ATAD2: variants seen among roughly 807,000 people sequenced by gnomAD.
ATAD2 encodes ATPase family AAA domain containing 2, also known as ATPase family AAA domain-containing protein 2.
A neutral mutation model predicts 168.9 loss-of-function variants in ATAD2; 62 were observed. The ratio of observed to expected loss-of-function variants is 0.37; its 90% CI spans 0.30 to 0.45. The LOEUF (loss-of-function observed/expected upper bound fraction) is 0.45, where lower values mean the gene tolerates loss of function less well. Among genes scored for constraint, ATAD2 ranks in the 20% least tolerant of loss-of-function variants. The pLI is 1.00. For missense variants in ATAD2, 1,419 were observed against 1,667.8 expected, an observed-to-expected ratio of 0.85 and a Z score of 2.60; for synonymous variants, 613 against 571.6, an observed-to-expected ratio of 1.07 and a Z score of -1.03.
chr8:123,371,755 C>A lies in ATAD2; in HGVS notation c.451G>T (p.Asp151Tyr), dbSNP rs1269382274. Residue 151 changes from aspartate (D) to tyrosine (Y), a missense_variant, in exon 4 of 28, where the codon GAT becomes TAT. Transcript: ENST00000287394. ...STEHLHEDNG[D>Y]VEVRRSCRIR... is the part of the protein sequence containing the mutation. ...CTACAACTTCGACGCACTTCAACAT[C>A]ACCATTATCTTCATGTAAGTGTTCT... 6 of 1,613,540 alleles carry A rather than the reference C, an allele frequency of 3.7e-6. No homozygotes were observed. The highest frequency in any genetic ancestry group is 1.7e-5 in the Admixed American group (1 of 59,906).
intron 8 of ATAD2, among the ~76,000 whole-genome samples, chr8:123,362,244 G>A (rs1345264492): frequency 6.7e-6 from 1 of 150,100 alleles, no homozygotes; most frequent in Admixed American, 6.7e-5. Context: ...AGTGAGCCAT[G>A]ATTGCACCAC....
rs1210964309 is a variant in ATAD2, at chr8:123,320,509, A to G, written c.*625T>C. Reference sequence around the variant, plus strand: ...TACAAAAGTAAACCAAGAAATATTTAAAATCTTTATTAACCCAAATTAGAA... The same window carrying G: ...TACAAAAGTAAACCAAGAAATATTTGAAATCTTTATTAACCCAAATTAGAA... On this transcript the variant is annotated 3_prime_UTR_variant, in exon 28 of 28. Coordinates refer to ENST00000287394, the MANE Select transcript of ATAD2 (RefSeq NM_014109.4). The G allele has an allele frequency of 1.3e-5, 2 of 152,192 alleles. No homozygotes were observed. Among genetic ancestry groups the G allele is most frequent in the African/African-American group, 4.8e-5 (2 of 41,464 alleles). The allele number at this position is 152,192 out of a possible 1,614,324, so 9.4% of individuals were successfully genotyped here. A position where few individuals can be genotyped will look rare whatever the true frequency, so the allele number is the denominator to read the frequency against.
intron 19 of ATAD2, among the ~76,000 whole-genome samples, chr8:123,341,849 G>A (rs537939130): frequency 3.9e-5 from 6 of 152,298 alleles, no homozygotes; most frequent in Middle Eastern, 3.4e-3. Flanking sequence ...TAAGAAAACA[G>A]GCCGAGCACA....
intron 1 of ATAD2, among the ~76,000 whole-genome samples, chr8:123,392,757 G>A (rs1435035976): frequency 6.6e-6 from 1 of 152,150 alleles, no homozygotes; most frequent in African/African-American, 2.4e-5. Flanking sequence ...AGTGCGTTTT[G>A]TAAAGGGGTA....
chr8:123,325,390 C>T (rs1175340485), intron 26 of ATAD2, among the ~76,000 whole-genome samples: 2 of 152,042 alleles, frequency 1.3e-5, no homozygotes, highest in African/African-American at 4.8e-5. Context: ...TCACGCCATT[C>T]TCCTGTCTCA....
At position 123,380,540 on chromosome 8, in the gene ATAD2, C is replaced by T. The variant is rs765285207; in HGVS notation, c.309G>A (p.Arg103=). 7.4e-6 allele frequency: 12 copies of T among 1,613,920 alleles called. No individual in the cohort carries two copies. In the East Asian group the frequency reaches 2.5e-4, roughly 33 times the overall value. Residue 103 remains arginine (R), a synonymous_variant, in exon 2 of 28, where the codon AGG becomes AGA. Coordinates refer to ENST00000287394, the MANE Select transcript of ATAD2 (RefSeq NM_014109.4). Reference sequence around the variant, plus strand: ...CCACCTTGTATTACCTTGTAAAATGCCTGCCATTAGCAAGTTGCTCCGTTA... The same window carrying T: ...CCACCTTGTATTACCTTGTAAAATGTCTGCCATTAGCAAGTTGCTCCGTTA... ...VEITEQLANG[R]HFTRQLARQQ...
chr8:123,401,145 A>C, upstream of ATAD2: 1 of 1,157,634 alleles, frequency 8.6e-7, no homozygotes, highest in Non-Finnish European at 1.3e-6. Context: ...TGGCTCCAGC[A>C]GGAGTGATGT....
At position 123,356,442 on chromosome 8, in the gene ATAD2, G is replaced by A. The variant is rs370098386; in HGVS notation, c.1593C>T (p.Asp531=). Residue 531 remains aspartate, a synonymous_variant, in exon 13 of 28, where the codon GAC becomes GAT. Coordinates refer to ENST00000287394, the MANE Select transcript of ATAD2 (RefSeq NM_014109.4). ...GTACTGGAGCCAGACCATCAATTTC[G>A]TCAAAAAAAATAATTGATGGGCGCA... ...YQMRPSIIFF[D]EIDGLAPVRS... The A allele has an allele frequency of 2.9e-5, 47 of 1,611,202 alleles. No homozygotes were observed. Among genetic ancestry groups the A allele is most frequent in the South Asian group, 5.5e-5 (5 of 90,752 alleles).
intron 1 of ATAD2, among the ~76,000 whole-genome samples, chr8:123,416,050 AGCTACAG>A (rs1813267862): frequency 6.6e-6 from 1 of 152,012 alleles, no homozygotes. Context: ...TCGAGCCAAT[AGCTACAG>A]GCCTTCCAAT....
At chr8:123,389,985 T>TATATATATATATA (rs1554647643) in intron 1 of ATAD2, among the ~76,000 whole-genome samples, 12 of 70,792 alleles carry the variant, frequency 1.7e-4, no homozygotes, top group East Asian at 1.1e-3. Flanking sequence ...TATATATATA[T>TATATATATATATA]TTTTTTTTTT....
chr8:123,400,799 A>C, upstream of ATAD2: 1 of 930,724 alleles, frequency 1.1e-6, no homozygotes, highest in Non-Finnish European at 1.8e-6. This position sits in a 1 kb window ranked among gnomAD's most constrained non-coding sequence, Gnocchi z 4.5. Flanking sequence ...ACTGTGACAG[A>C]GGGCAACATG....
intron 4 of ATAD2, 137 bp from the exon 5 acceptor site, chr8:123,371,475 T>C (rs1829146046): frequency 1.2e-6 from 1 of 856,510 alleles, no homozygotes; most frequent in Non-Finnish European, 1.7e-6. Flanking sequence ...TTTACTTGTA[T>C]AAAAATATTT....
rs534367525 is a variant in ATAD2, at chr8:123,395,790, A to G, written c.171+397T>C. Among the ~76,000 whole-genome samples the G allele has an allele frequency of 1.9e-4, 29 of 152,106 alleles. No homozygotes were observed. The East Asian group carries it at 5.3e-3, about 28-fold the overall frequency. ...CCCCCCCAACGTTTATGGCGCAGACAGAAAGCAGTCAGGGGATGCGTGTTG... is the reference window on the plus strand; with the variant it reads ...CCCCCCCAACGTTTATGGCGCAGACGGAAAGCAGTCAGGGGATGCGTGTTG... On this transcript the variant is annotated intron_variant, in intron 1 of 27. Transcript: ENST00000287394.
Position 123,361,627 on chromosome 8 carries a change from T to G in ATAD2, c.1069A>C (p.Ser357Arg). The G allele has an allele frequency of 6.2e-7, 1 of 1,611,420 alleles. No homozygotes were observed. Among genetic ancestry groups the G allele is most frequent in the Non-Finnish European group, 8.5e-7 (1 of 1,177,934 alleles). Residue 357 changes from serine (S) to arginine (R), a missense_variant, in exon 9 of 28, where the codon AGT becomes CGT. By Grantham distance (110) the Ser-to-Arg change is moderately radical (BLOSUM62 -1). Transcript: ENST00000287394. ...GAGGAAGATGAAGTCGAGTCACTAC[T>G]GTGGATTGCATGCCTTCGCCTAAAG... ...RMNRRRHAIH[S>R]SDSTSSSSSE...
intron 25 of ATAD2, 100 bp from the exon 26 acceptor site, chr8:123,326,126 A>G (rs1344801595): frequency 3.1e-6 from 4 of 1,298,852 alleles, no homozygotes; most frequent in Non-Finnish European, 4.2e-6. Flanking sequence ...ATGTTTACTA[A>G]GGACATAAAC....
Position 123,402,087 on chromosome 8 carries a change from CTT to C in ATAD2, c.-2281-914_-2281-913del. The C allele has an allele frequency of 8.0e-7, 1 of 1,254,170 alleles. No homozygotes were observed. The highest frequency in any genetic ancestry group is 1.2e-6 in the Non-Finnish European group (1 of 861,866). The allele number at this position is 1,254,170 out of a possible 1,614,324, so 77.7% of individuals were successfully genotyped here. ...GAGGGTGGCGTCCATGGCCTGCACT[CTT>C]AGGAGAAGCGGCTGTACTGACAGCA... On this transcript the variant is annotated intron_variant, in intron 1 of 28. Transcript: ENST00000521903. The surrounding 1 kb of genome is among the most constrained non-coding windows in gnomAD (Gnocchi z 4.8).
rs369125174 is a variant in ATAD2 at position 123,337,764 on chromosome 8, G to A, written c.2912C>T (p.Thr971Ile). 1 of 1,613,392 alleles carries A rather than the reference G, an allele frequency of 6.2e-7. No homozygotes were observed. Among genetic ancestry groups the A allele is most frequent in the Non-Finnish European group, 8.5e-7 (1 of 1,179,696 alleles). ...TTCTAGTCGTTTCACTTCTTCTGCT[G>A]TCAGTGATCTTGGCTCAGGTGGTGG... ...VAPPPEPRSL[T>I]AEEVKRLEEQ... Residue 971 changes from threonine (T) to isoleucine (I), a missense_variant, in exon 21 of 28, where the codon ACA (threonine) becomes ATA (isoleucine). Thr to Ile is a moderately conservative substitution (Grantham distance 89). Transcript: ENST00000287394.
chr8:123,358,713 T>C (rs10103175), intron 11 of ATAD2, among the ~76,000 whole-genome samples: 3,423 of 147,518 alleles, frequency 0.023, 153 homozygotes, highest in African/African-American at 0.082. Context: ...GATTGATATA[T>C]GGTACATTAC....
intron 9 of ATAD2, among the ~76,000 whole-genome samples, chr8:123,360,853 T>C (rs1828793248): frequency 6.6e-6 from 1 of 151,624 alleles, no homozygotes; most frequent in Non-Finnish European, 1.5e-5. Flanking sequence ...TTAGTATACA[T>C]GGACTTACAC....
Sources: allele counts gnomAD v4.1 joint callset (sites outside exome capture counted in the v4.1 genomes callset), GRCh38; gene constraint gnomAD v4.1.1; non-coding constraint Gnocchi (gnomAD v3.1); transcripts MANE v1.5; gene names NCBI Gene and HGNC (gene_info 2026-07-23, HGNC 2026-07-21).